The following MAD1L1 variants were observed in gnomAD, a reference collection of about 807,000 sequenced individuals.
MAD1L1 encodes the protein mitotic spindle assembly checkpoint protein MAD1.
Under a neutral mutation model 96.9 loss-of-function variants are expected in MAD1L1, and 95 were observed. The observed-to-expected ratio is 0.98, with a 90% CI of 0.83 to 1.16. MAD1L1 has a LOEUF of 1.16. MAD1L1 is among the 50% of genes most tolerant of loss of function. The pLI is 0.00. For missense variants in MAD1L1, 1,007 were observed against 954.4 expected (o/e 1.06, Z -0.73); for synonymous variants, 473 against 396.6 (o/e 1.19, Z -2.29).
At chr7:2,169,364 T>C (rs1790595840) in intron 10 of MAD1L1, among the ~76,000 whole-genome samples, 2 of 152,102 alleles carry the variant, frequency 1.3e-5, no homozygotes, top group African/African-American at 4.8e-5. Flanking sequence ...ACATTACTTG[T>C]GCAATAAAAT....
intron 10 of MAD1L1, among the ~76,000 whole-genome samples, chr7:2,198,350 C>T (rs1251260904): frequency 6.6e-6 from 1 of 152,164 alleles, no homozygotes; most frequent in Non-Finnish European, 1.5e-5. Flanking sequence ...CAAGAGCCCG[C>T]CTTTGCTTCT....
intron 12 of MAD1L1, among the ~76,000 whole-genome samples, chr7:2,051,553 A>C (rs1363546798): frequency 6.6e-6 from 1 of 152,120 alleles, no homozygotes; most frequent in African/African-American, 2.4e-5. Flanking sequence ...TTAATGCAGA[A>C]AAGCCCAGGA....
intron 10 of MAD1L1, among the ~76,000 whole-genome samples, chr7:2,164,311 A>G (rs1160963088): frequency 6.6e-6 from 1 of 152,110 alleles, no homozygotes; most frequent in Non-Finnish European, 1.5e-5. Context: ...GCACAGCAGA[A>G]AGCCCGCACT....
intron 12 of MAD1L1, 99 bp from the exon 13 acceptor site, chr7:2,014,741 G>C (rs1190739828): frequency 2.2e-6 from 3 of 1,378,878 alleles, no homozygotes; most frequent in Non-Finnish European, 2.9e-6. Flanking sequence ...GGTCACGCGG[G>C]GGCTCCCTCG....
intron 12 of MAD1L1, among the ~76,000 whole-genome samples, chr7:2,014,925 C>T (rs372254515): frequency 7.2e-5 from 11 of 152,350 alleles, no homozygotes; most frequent in South Asian, 2.1e-4. Flanking sequence ...CACCTCGTAC[C>T]GGCAGTATGG....
At chr7:1,906,321 T>A (rs1224758722) in intron 17 of MAD1L1, among the ~76,000 whole-genome samples, 1 of 152,130 alleles carries the variant, frequency 6.6e-6, no homozygotes, top group Non-Finnish European at 1.5e-5. Flanking sequence ...TGCAGACAGA[T>A]CTCCATGCTC....
At chr7:2,087,066 C>T (rs1028813001) in intron 11 of MAD1L1, among the ~76,000 whole-genome samples, 2 of 152,174 alleles carry the variant, frequency 1.3e-5, no homozygotes, top group African/African-American at 2.4e-5. Context: ...GGAAGCTCTT[C>T]TCTTTAAAAA....
In MAD1L1 at chr7:1,822,734, T is replaced by A. The variant is rs564542777; in HGVS notation, c.1999-6506A>T. Among the ~76,000 whole-genome samples the A allele has an allele frequency of 2.0e-5, 3 of 150,860 alleles. No individual in the cohort carries two copies. The East Asian group carries it at 5.8e-4, about 29-fold the overall frequency. ...CCACCATGCCCGGCCAGCATTTTTT[T>A]TTTTTTTTTTTGGTAGAGAGACACA... On this transcript the variant is annotated intron_variant, in intron 18 of 18. Transcript: ENST00000265854.
intron 18 of MAD1L1, chr7:1,817,528 C>G (rs1271102707): frequency 6.6e-6 from 1 of 152,204 alleles, no homozygotes; most frequent in Non-Finnish European, 1.5e-5. Flanking sequence ...GAAAACACGC[C>G]CAGCCAGTCA....
intron 18 of MAD1L1, among the ~76,000 whole-genome samples, chr7:1,821,500 C>CGAT (rs1478991522): frequency 6.6e-6 from 1 of 152,104 alleles, no homozygotes; most frequent in African/African-American, 2.4e-5. Flanking sequence ...AAATAAGTAT[C>CGAT]AGTCTCTCAT....
intron 10 of MAD1L1, among the ~76,000 whole-genome samples, chr7:2,154,017 G>A (rs765102232): frequency 3.6e-4 from 55 of 152,308 alleles, no homozygotes; most frequent in Admixed American, 9.8e-4. Flanking sequence ...TTAGCCAGGC[G>A]TGGTGGCACA....
At chr7:2,066,182 G>C (rs544331118) in intron 12 of MAD1L1, among the ~76,000 whole-genome samples, 1 of 152,352 alleles carries the variant, frequency 6.6e-6, no homozygotes, top group Non-Finnish European at 1.5e-5. Context: ...CCTCCAATGG[G>C]AAGCAGAGGC....
At chr7:2,140,465 G>C (rs941100969) in intron 11 of MAD1L1, among the ~76,000 whole-genome samples, 1 of 152,280 alleles carries the variant, frequency 6.6e-6, no homozygotes, top group Non-Finnish European at 1.5e-5. Flanking sequence ...CCGGGAGCAA[G>C]AGGCCAACCA....
At position 1,831,968 on chromosome 7, in the gene MAD1L1, A is replaced by G. The variant is rs548686951; in HGVS notation, c.1999-15740T>C. 2.6e-5 allele frequency among the ~76,000 whole-genome samples: 4 copies of G among 152,362 alleles called. No homozygotes were observed. In the South Asian group the frequency reaches 8.3e-4, roughly 32 times the overall value. On this transcript the variant is annotated intron_variant, in intron 18 of 18. Transcript: ENST00000265854. ...GAACGTTGTTTCTATGACTGCTAAC[A>G]CAGCATCCATCCTGTGGCCCCTAGA... is the stretch of plus-strand genomic sequence containing the variant.
Position 1,908,613 on chromosome 7 carries a change from T to G in MAD1L1, c.1808-10223A>C, listed in dbSNP as rs921045395. 2.0e-5 allele frequency among the ~76,000 whole-genome samples: 3 copies of G among 152,142 alleles called. No homozygotes were observed. The South Asian group carries it at 6.2e-4, about 31-fold the overall frequency. ...GTTGTTGACCTGCGGGCCTCATGTG[T>G]GCCTCCCACAGTGTTGGGATGACGG... On this transcript the variant is annotated intron_variant, in intron 17 of 18. Coordinates refer to ENST00000265854, the MANE Select transcript of MAD1L1 (RefSeq NM_001013836.2).
chr7:2,098,748 G>A (rs1178437156), intron 11 of MAD1L1, among the ~76,000 whole-genome samples: 5 of 151,968 alleles, frequency 3.3e-5, no homozygotes, highest in Admixed American at 6.6e-5. Flanking sequence ...GCATGAGCCA[G>A]AGGCAATGAA....
intron 16 of MAD1L1, among the ~76,000 whole-genome samples, chr7:1,950,678 C>G (rs557265749): frequency 1.9e-4 from 29 of 152,370 alleles, no homozygotes; most frequent in African/African-American, 6.7e-4. Context: ...CACCCAGGCC[C>G]TTCGCCACCC....
chr7:1,987,270 G>A (rs930347794), intron 14 of MAD1L1, among the ~76,000 whole-genome samples: 6 of 152,242 alleles, frequency 3.9e-5, no homozygotes, highest in South Asian at 4.1e-4. Flanking sequence ...TGGAGGAGAC[G>A]TGGTAACCAT....
At chr7:1,965,850 G>A (rs1015788815) in intron 15 of MAD1L1, among the ~76,000 whole-genome samples, 3 of 152,268 alleles carry the variant, frequency 2.0e-5, no homozygotes, top group East Asian at 1.9e-4. Context: ...CAGACGGTGC[G>A]AAGAGAGCCC....
Sources: gnomAD v4.1 joint callset for allele counts (sites outside exome capture counted in the v4.1 genomes callset) on GRCh38, gnomAD v4.1.1 for gene constraint, MANE v1.5 for transcripts, NCBI Gene and HGNC (gene_info 2026-07-23, HGNC 2026-07-21) for gene names.